Variants in MTUS2 observed in about 807,000 individuals in gnomAD.
MTUS2 encodes microtubule-associated tumor suppressor candidate 2.
MTUS2 carries 40 observed loss-of-function variants against 114.1 expected under a neutral mutation model. That is an observed-to-expected ratio of 0.35 (90% confidence interval 0.27 to 0.46). The LOEUF (loss-of-function observed/expected upper bound fraction) is 0.46, where lower values mean the gene tolerates loss of function less well. Among genes scored for constraint, MTUS2 ranks in the 20% least tolerant of loss-of-function variants. MTUS2 has a pLI of 1.00. For missense variants in MTUS2, 1,679 were observed against 1,705.4 expected, an observed-to-expected ratio of 0.98 and a Z score of 0.27; for synonymous variants, 688 against 672.0, an observed-to-expected ratio of 1.02 and a Z score of -0.37.
At chr13:29,295,791 A>G (rs901575749) in intron 6 of MTUS2, among the ~76,000 whole-genome samples, 1 of 152,170 alleles carries the variant, frequency 6.6e-6, no homozygotes, top group African/African-American at 2.4e-5. Flanking sequence ...AAGAGGAGCA[A>G]AGGCATTTCT....
At chr13:29,227,258 C>A (rs1188654716) in intron 5 of MTUS2, among the ~76,000 whole-genome samples, 383 of 120,510 alleles carry the variant, frequency 3.2e-3, no homozygotes, top group Non-Finnish European at 3.4e-3. Context: ...GACTCCGTCT[C>A]AAAAAAAAAA....
intron 2 of MTUS2, among the ~76,000 whole-genome samples, chr13:28,956,655 A>G (rs916353938): frequency 6.6e-6 from 1 of 152,200 alleles, no homozygotes; most frequent in Non-Finnish European, 1.5e-5. Context: ...CAAAAACACC[A>G]ATGAAACAAA....
chr13:28,865,897 C>G (rs543631247), intron 2 of MTUS2, among the ~76,000 whole-genome samples: 1 of 152,298 alleles, frequency 6.6e-6, no homozygotes, highest in East Asian at 1.9e-4. Context: ...GTGAGACAAA[C>G]TGTTCTCTGG....
In MTUS2 at chr13:29,200,577, A is replaced by G. The variant is rs1404708655; in HGVS notation, c.2645-81127A>G. On this transcript the variant is annotated intron_variant, in intron 5 of 15. Transcript: ENST00000612955. ...CTCTTGTTGCCCAGGCTGGAATATA[A>G]TGGTGTGATCTCAGCTCACTGCACC... Among the ~76,000 whole-genome samples, 13 of 124,414 alleles carry G rather than the reference A, an allele frequency of 1.0e-4. No individual in the cohort carries two copies. The Admixed American group carries it at 1.3e-3, about 13-fold the overall frequency. The allele number at this position is 124,414 out of a possible 152,430, so 81.6% of individuals were successfully genotyped here.
At chr13:29,133,355 T>A (rs987997842) in intron 5 of MTUS2, among the ~76,000 whole-genome samples, 1 of 152,216 alleles carries the variant, frequency 6.6e-6, no homozygotes. Flanking sequence ...TACAAATTTT[T>A]AAAATTTTCA....
At chr13:29,379,282 A>G (rs1347653738) in intron 8 of MTUS2, among the ~76,000 whole-genome samples, 1 of 152,196 alleles carries the variant, frequency 6.6e-6, no homozygotes, top group East Asian at 1.9e-4. Context: ...GGCAGAGCCA[A>G]GGCTGCTGGA....
intron 5 of MTUS2, among the ~76,000 whole-genome samples, chr13:29,206,038 G>A (rs1895171612): frequency 6.6e-6 from 1 of 152,154 alleles, no homozygotes; most frequent in Admixed American, 6.6e-5. Context: ...CAATATACAA[G>A]TGTTCCCTTT....
At chr13:28,850,094 C>T (rs1876166588) in intron 2 of MTUS2, among the ~76,000 whole-genome samples, 1 of 152,098 alleles carries the variant, frequency 6.6e-6, no homozygotes, top group South Asian at 2.1e-4. Context: ...TCATCAGGGC[C>T]CACTGGATGG....
chr13:29,123,584 G>C (rs938591259), intron 5 of MTUS2, among the ~76,000 whole-genome samples: 1 of 152,010 alleles, frequency 6.6e-6, no homozygotes, highest in Admixed American at 6.6e-5. Context: ...GGGCATGGTG[G>C]TGCATTTCTG....
At chr13:29,032,010 C>A (rs1014737467) in intron 3 of MTUS2, among the ~76,000 whole-genome samples, 13 of 151,924 alleles carry the variant, frequency 8.6e-5, no homozygotes, top group Non-Finnish European at 1.6e-4. Context: ...CTCTAAAAAC[C>A]CTCCATTGGG....
Position 29,143,043 on chromosome 13 carries a change from T to C in MTUS2, c.2644+42073T>C, listed in dbSNP as rs1010071832. ...TGAATGAAGTATCTACCAGGGTCTT[T>C]AACAAAGCCAACATGTTTGTATATT... On this transcript the variant is annotated intron_variant, in intron 5 of 15. Transcript: ENST00000612955. 3.9e-5 allele frequency among the ~76,000 whole-genome samples: 6 copies of C among 152,304 alleles called. 1 individual carries two copies. The highest frequency in any genetic ancestry group is 1.4e-4 in the African/African-American group (6 of 41,570).
intron 5 of MTUS2, among the ~76,000 whole-genome samples, chr13:29,165,643 T>C (rs1418671087): frequency 6.6e-6 from 1 of 152,122 alleles, no homozygotes; most frequent in Non-Finnish European, 1.5e-5. Context: ...CAAATAAGGG[T>C]TTTATGTTTT....
chr13:28,955,747 A>AATTCC (rs1883030122), intron 2 of MTUS2, among the ~76,000 whole-genome samples: 1 of 151,842 alleles, frequency 6.6e-6, no homozygotes, highest in Non-Finnish European at 1.5e-5. Flanking sequence ...TGCCAGATAG[A>AATTCC]ATTCCAGCAC....
rs554159450 is a variant in MTUS2 at position 29,498,438 on chromosome 13, G to C, written c.3699G>C (p.Gln1233His). Residue 1233 changes from glutamine to histidine, a missense_variant, in exon 14 of 16, where the codon CAG (glutamine) becomes CAC (histidine). Around this residue, in one of 3 missense-constraint regions of MTUS2, gnomAD observed 822 missense variants for 899.7 expected, o/e 0.91. Transcript: ENST00000612955. ...EQLEIALAPY[Q>H]HLEEDMKSLK... ...TGTAGATTGCATTGGCTCCTTATCA[G>C]CACTTGGAAGAAGACATGAAGAGTC... 3.1e-6 allele frequency: 5 copies of C among 1,614,024 alleles called. No individual in the cohort carries two copies. The African/African-American group carries it at 5.3e-5, about 17-fold the overall frequency.
intron 5 of MTUS2, among the ~76,000 whole-genome samples, chr13:29,150,291 G>C (rs1329238406): frequency 6.6e-6 from 1 of 152,048 alleles, no homozygotes; most frequent in Non-Finnish European, 1.5e-5. Flanking sequence ...GTGAGTGGGA[G>C]TTCATTCATG....
chr13:29,185,243 A>G (rs1161542213), intron 5 of MTUS2, among the ~76,000 whole-genome samples: 2 of 152,102 alleles, frequency 1.3e-5, no homozygotes, highest in Non-Finnish European at 2.9e-5. Context: ...AAAAAACGCA[A>G]AGAAGAATGA....
chr13:28,972,705 T>G (rs1883909320), intron 2 of MTUS2, among the ~76,000 whole-genome samples: 1 of 152,212 alleles, frequency 6.6e-6, no homozygotes, highest in Admixed American at 6.5e-5. Flanking sequence ...AGTTCCTGTC[T>G]TATGGGAGAA....
At chr13:29,411,868 G>A (rs34410938) in intron 8 of MTUS2, among the ~76,000 whole-genome samples, 26,489 of 152,034 alleles carry the variant, frequency 0.17, 3,239 homozygotes, top group African/African-American at 0.34. Context: ...CTTCCATTGC[G>A]TTCTCTAAAT....
At chr13:29,401,417 T>A (rs1258314259) in intron 8 of MTUS2, among the ~76,000 whole-genome samples, 1 of 152,240 alleles carries the variant, frequency 6.6e-6, no homozygotes, top group Admixed American at 6.5e-5. Flanking sequence ...CTTATGGGTT[T>A]GATTCATACT....
Sources: allele counts gnomAD v4.1 joint callset (sites outside exome capture counted in the v4.1 genomes callset), GRCh38; gene constraint gnomAD v4.1.1; regional missense constraint gnomAD v4.1.1; transcripts MANE v1.5; gene names NCBI Gene and HGNC (gene_info 2026-07-23, HGNC 2026-07-21).